HDAC4: variants seen among roughly 807,000 people sequenced by gnomAD.
HDAC4 encodes histone deacetylase 4.
Under a neutral mutation model 135.1 loss-of-function variants are expected in HDAC4, and 16 were observed. The ratio of observed to expected loss-of-function variants is 0.12; its 90% CI spans 0.08 to 0.18. The LOEUF is 0.18. Among genes scored for constraint, HDAC4 ranks in the 10% least tolerant of loss-of-function variants. HDAC4 has a pLI of 1.00. For synonymous variants in HDAC4, 685 were observed against 653.4 expected (o/e 1.05, Z -0.74); for missense variants, 1,143 against 1,511.8 (o/e 0.76, Z 4.05).
intron 2 of HDAC4, among the ~76,000 whole-genome samples, chr2:239,289,722 G>A (rs1483423322): frequency 2.6e-5 from 4 of 151,888 alleles, no homozygotes; most frequent in African/African-American, 7.3e-5. Flanking sequence ...GGAGAGCAGA[G>A]AGCACCCCCC....
At chr2:239,175,849 CA>C (rs1320827642) in intron 5 of HDAC4, among the ~76,000 whole-genome samples, 1 of 152,132 alleles carries the variant, frequency 6.6e-6, no homozygotes, top group Non-Finnish European at 1.5e-5. Flanking sequence ...TAAATCAAAC[CA>C]AAAGTCGGGC....
chr2:239,117,857 C>T (rs1178649201), intron 12 of HDAC4, among the ~76,000 whole-genome samples: 1 of 152,184 alleles, frequency 6.6e-6, no homozygotes, highest in Non-Finnish European at 1.5e-5. Flanking sequence ...GATCTCGGCA[C>T]CGCATCCGAC....
chr2:239,317,922 T>C (rs558635126), intron 2 of HDAC4, among the ~76,000 whole-genome samples: 107 of 151,930 alleles, frequency 7.0e-4, no homozygotes, highest in African/African-American at 2.5e-3. Context: ...CTTCCCGTCC[T>C]GAATGTAGCA....
At chr2:239,328,458 C>T (rs1411871846) in intron 2 of HDAC4, among the ~76,000 whole-genome samples, 2 of 152,196 alleles carry the variant, frequency 1.3e-5, no homozygotes, top group Non-Finnish European at 2.9e-5. Context: ...TGCTGTCCAG[C>T]CCCTGAGTTT....
chr2:239,373,692 G>A (rs142662088), intron 1 of HDAC4, among the ~76,000 whole-genome samples: 4 of 152,250 alleles, frequency 2.6e-5, no homozygotes, highest in Middle Eastern at 3.4e-3. Flanking sequence ...TTGAACTCCC[G>A]ACCTCAGGTG....
chr2:239,215,040 C>T (rs558541295), intron 3 of HDAC4, among the ~76,000 whole-genome samples: 40 of 152,264 alleles, frequency 2.6e-4, no homozygotes, highest in African/African-American at 9.1e-4. Context: ...CAGGTGAGAT[C>T]CAGGCGGGAG....
At chr2:239,062,803 C>T (rs1335008705) in intron 24 of HDAC4, among the ~76,000 whole-genome samples, 1 of 152,236 alleles carries the variant, frequency 6.6e-6, no homozygotes, top group Non-Finnish European at 1.5e-5. Context: ...CCACCTGGAT[C>T]TTTGATCTAC....
At position 239,262,301 on chromosome 2, in the gene HDAC4, G is replaced by T. The variant is rs1158175791; in HGVS notation, c.23-25637C>A. 1.3e-5 allele frequency among the ~76,000 whole-genome samples: 2 copies of T among 152,222 alleles called. No individual in the cohort carries two copies. The highest frequency in any genetic ancestry group is 4.8e-5 in the African/African-American group (2 of 41,464). The stretch of plus-strand genomic sequence containing the variant: ...GTGGGATTACAGAAACCTTGGCTTA[G>T]TATCAGAGACCACAATAACACACTT... On this transcript the variant is annotated intron_variant, in intron 2 of 26. Coordinates refer to ENST00000543185, the MANE Select transcript of HDAC4 (RefSeq NM_001378414.1). The surrounding 1 kb of genome is among the most constrained non-coding windows in gnomAD (Gnocchi z 4.1).
intron 22 of HDAC4, among the ~76,000 whole-genome samples, chr2:239,078,316 C>T (rs574976123): frequency 9.2e-5 from 14 of 152,284 alleles, no homozygotes; most frequent in African/African-American, 2.9e-4. Context: ...ATCTTTTCTT[C>T]GTCTTAGGCT....
At chr2:239,365,107 G>C (rs1346295361) in intron 1 of HDAC4, among the ~76,000 whole-genome samples, 2 of 152,164 alleles carry the variant, frequency 1.3e-5, no homozygotes, top group Non-Finnish European at 2.9e-5. Context: ...GCTTTAGAAA[G>C]CAAACTGTTG....
In HDAC4 at chr2:239,309,716, G is replaced by C. The variant is rs369070332; in HGVS notation, c.22+42962C>G. 6.6e-6 allele frequency among the ~76,000 whole-genome samples: 1 copy of C among 152,204 alleles called. No homozygotes were observed. Among genetic ancestry groups the C allele is most frequent in the East Asian group, 1.9e-4 (1 of 5,184 alleles). Reference sequence around the variant, plus strand: ...GCCAGCAAGTATCCTGGGAGCTGGGGGGCCTCAAGGGAGGCAATCCCCCCA... The same window carrying C: ...GCCAGCAAGTATCCTGGGAGCTGGGCGGCCTCAAGGGAGGCAATCCCCCCA... On this transcript the variant is annotated intron_variant, in intron 2 of 26. Coordinates refer to ENST00000543185, the MANE Select transcript of HDAC4 (RefSeq NM_001378414.1). This position sits in a 1 kb window ranked among gnomAD's most constrained non-coding sequence, Gnocchi z 4.2.
intron 1 of HDAC4, among the ~76,000 whole-genome samples, chr2:239,367,910 G>A (rs573332896): frequency 1.2e-4 from 19 of 152,048 alleles, no homozygotes; most frequent in Admixed American, 1.2e-3. Flanking sequence ...CCTGGGAGGC[G>A]GAGGTGGCAG....
At chr2:239,085,913 C>G (rs963256478) in intron 19 of HDAC4, 1 of 140,678 alleles carries the variant, frequency 7.1e-6, no homozygotes, top group African/African-American at 2.7e-5. Flanking sequence ...TCCCTGTACA[C>G]GAAGGAGACT....
chr2:239,222,988 C>T (rs757848699), intron 3 of HDAC4, among the ~76,000 whole-genome samples: 1 of 152,216 alleles, frequency 6.6e-6, no homozygotes. Flanking sequence ...TTACACGTTA[C>T]TCCTGAAAGC....
At chr2:239,355,358 G>A (rs973733584) in intron 1 of HDAC4, among the ~76,000 whole-genome samples, 1 of 152,046 alleles carries the variant, frequency 6.6e-6, no homozygotes, top group Non-Finnish European at 1.5e-5. Flanking sequence ...TGCATTCCCA[G>A]GCAGCCTCTC....
In HDAC4 at chr2:239,262,277, T is replaced by C. The variant is rs2049418471; in HGVS notation, c.23-25613A>G. 6.6e-6 allele frequency among the ~76,000 whole-genome samples: 1 copy of C among 152,158 alleles called. No homozygotes were observed. The highest frequency in any genetic ancestry group is 1.5e-5 in the Non-Finnish European group (1 of 68,018). ...TCTGTGATGTGAGATAAAATTTTAG[T>C]GGGATTACAGAAACCTTGGCTTAGT... On this transcript the variant is annotated intron_variant, in intron 2 of 26. Transcript: ENST00000543185. This position sits in a 1 kb window ranked among gnomAD's most constrained non-coding sequence, Gnocchi z 4.1.
At chr2:239,320,816 T>C (rs2053283496) in intron 2 of HDAC4, among the ~76,000 whole-genome samples, 1 of 152,218 alleles carries the variant, frequency 6.6e-6, no homozygotes, top group Non-Finnish European at 1.5e-5. Flanking sequence ...TTTCCAACCA[T>C]GAAAAAGATT....
intron 2 of HDAC4, among the ~76,000 whole-genome samples, chr2:239,249,328 G>A (rs1478290697): frequency 1.3e-5 from 2 of 152,164 alleles, no homozygotes; most frequent in Non-Finnish European, 2.9e-5. Flanking sequence ...GAGGGGCTGC[G>A]GAAGGCGGGG....
intron 3 of HDAC4, among the ~76,000 whole-genome samples, chr2:239,229,969 T>C (rs2047446776): frequency 6.6e-6 from 1 of 152,086 alleles, no homozygotes; most frequent in Non-Finnish European, 1.5e-5. Context: ...CCACTCAAAA[T>C]AGGTGGAAGG....
Sources: allele counts gnomAD v4.1 joint callset (sites outside exome capture counted in the v4.1 genomes callset), GRCh38; gene constraint gnomAD v4.1.1; non-coding constraint Gnocchi (gnomAD v3.1); transcripts MANE v1.5; gene names NCBI Gene and HGNC (gene_info 2026-07-23, HGNC 2026-07-21).